CAMK2B: variants seen among roughly 807,000 people sequenced by gnomAD.
CAMK2B encodes calcium/calmodulin dependent protein kinase II beta.
CAMK2B carries 27 observed loss-of-function variants against 93.7 expected under a neutral mutation model. That is an observed-to-expected ratio of 0.29 (90% CI 0.21 to 0.40). The LOEUF is 0.40. Among genes scored for constraint, CAMK2B ranks in the 10% least tolerant of loss-of-function variants. CAMK2B has a pLI of 1.00. For missense variants in CAMK2B, 568 were observed against 895.8 expected (o/e 0.63, Z 4.67); for synonymous variants, 374 against 358.8 (o/e 1.04, Z -0.48).
At position 44,283,339 on chromosome 7, in the gene CAMK2B, C is replaced by T. The variant is rs189591821; in HGVS notation, c.160+792G>A. Among the ~76,000 whole-genome samples, 806 of 152,070 alleles carry T rather than the reference C, an allele frequency of 5.3e-3. 24 individuals carry two copies. The highest frequency in any genetic ancestry group is 0.047 in the Admixed American group (715 of 15,286). ...AGACCCCACAAGGGCAGGGAGACCCCGTGAGGGCAGGGAGACCCCGTGAGG... is the reference window on the plus strand; with the variant it reads ...AGACCCCACAAGGGCAGGGAGACCCTGTGAGGGCAGGGAGACCCCGTGAGG... On this transcript the variant is annotated intron_variant, in intron 2 of 23. Transcript: ENST00000395749.
intron 1 of CAMK2B, among the ~76,000 whole-genome samples, chr7:44,288,972 G>A (rs977440117): frequency 6.6e-6 from 1 of 152,160 alleles, no homozygotes; most frequent in Non-Finnish European, 1.5e-5. Context: ...GGGCTTCACA[G>A]GCAGAGGCAG....
intron 16 of CAMK2B, among the ~76,000 whole-genome samples, chr7:44,231,380 C>T (rs1002023577): frequency 1.3e-5 from 2 of 152,228 alleles, no homozygotes; most frequent in Non-Finnish European, 2.9e-5. Flanking sequence ...GAGGCCGGCC[C>T]TGCCACCCTA....
chr7:44,287,987 C>T (rs1785600858), intron 1 of CAMK2B, among the ~76,000 whole-genome samples: 1 of 152,250 alleles, frequency 6.6e-6, no homozygotes, highest in Admixed American at 6.5e-5. Context: ...GGAGCCAGAA[C>T]TGACCTACAA....
intron 1 of CAMK2B, among the ~76,000 whole-genome samples, chr7:44,293,749 A>C (rs1584705535): frequency 6.6e-6 from 1 of 152,188 alleles, no homozygotes; most frequent in East Asian, 1.9e-4. Flanking sequence ...GGCGGAGCTC[A>C]GGCTGTAATG....
chr7:44,283,747 C>A (rs1435755566), intron 2 of CAMK2B, among the ~76,000 whole-genome samples: 1 of 152,258 alleles, frequency 6.6e-6, no homozygotes, highest in Non-Finnish European at 1.5e-5. Context: ...ACCACCATGG[C>A]GGCCTGGCCA....
rs118001696 is a variant in CAMK2B, at chr7:44,256,891, A to G, written c.275+1981T>C. 1.6e-3 allele frequency among the ~76,000 whole-genome samples: 243 copies of G among 152,286 alleles called. 8 individuals are homozygous for G. The East Asian group carries it at 0.041, about 25-fold the overall frequency. Reference sequence around the variant, plus strand: ...GGGAAGGGAGTTTGCTCCTCCACCCACGTTGGTTGCTGTGGGGAGTTTGGG... The same window carrying G: ...GGGAAGGGAGTTTGCTCCTCCACCCGCGTTGGTTGCTGTGGGGAGTTTGGG... On this transcript the variant is annotated intron_variant, in intron 4 of 23. Coordinates refer to ENST00000395749, the MANE Select transcript of CAMK2B (RefSeq NM_001220.5).
rs1351402617 is a variant in CAMK2B at position 44,242,203 on chromosome 7, C to A, written c.819+15G>T. 6.2e-7 allele frequency: 1 copy of A among 1,608,662 alleles called. No individual in the cohort carries two copies. Among genetic ancestry groups the A allele is most frequent in the Non-Finnish European group, 8.5e-7 (1 of 1,176,674 alleles). On this transcript the variant is annotated intron_variant, in intron 10 of 23. Transcript: ENST00000395749. ...AGGAGCCCCCTCCCCACCATGGGCA[C>A]CAAGGGCGACTCACGCAGACCCACG...
At chr7:44,244,244 G>A (rs916230986) in intron 6 of CAMK2B, among the ~76,000 whole-genome samples, 2 of 152,198 alleles carry the variant, frequency 1.3e-5, no homozygotes, top group African/African-American at 4.8e-5. Flanking sequence ...CTGACACAGA[G>A]AGCAGTGCCC....
chr7:44,220,341 C>G, intron 22 of CAMK2B, 47 bp from the exon 23 acceptor site: 1 of 1,425,126 alleles, frequency 7.0e-7, no homozygotes, highest in Non-Finnish European at 9.8e-7. Context: ...CATGACTGCC[C>G]TGGTGCCCGT....
At chr7:44,305,846 T>G (rs1291165658) in intron 1 of CAMK2B, among the ~76,000 whole-genome samples, 2 of 152,190 alleles carry the variant, frequency 1.3e-5, no homozygotes, top group Non-Finnish European at 2.9e-5. Context: ...ACTTTCACAT[T>G]TTCTGGATTC....
chr7:44,234,360 C>T, intron 15 of CAMK2B, 30 bp downstream of exon 15: 3 of 1,485,414 alleles, frequency 2.0e-6, no homozygotes, highest in East Asian at 2.4e-5. Flanking sequence ...GTAGGAGGGG[C>T]TGAGAGGCAG....
At chr7:44,261,045 C>T (rs2096875144) in intron 3 of CAMK2B, among the ~76,000 whole-genome samples, 1 of 152,204 alleles carries the variant, frequency 6.6e-6, no homozygotes, top group African/African-American at 2.4e-5. Context: ...TGGCTTCTGT[C>T]CCAAGAGCAA....
chr7:44,241,370 A>G (rs1447232777), intron 11 of CAMK2B, among the ~76,000 whole-genome samples: 2 of 152,204 alleles, frequency 1.3e-5, no homozygotes, highest in African/African-American at 4.8e-5. Flanking sequence ...ACTTGCTTGT[A>G]CTAAACAGTG....
intron 20 of CAMK2B, among the ~76,000 whole-genome samples, chr7:44,222,782 C>T (rs1350100567): frequency 1.3e-5 from 2 of 152,162 alleles, no homozygotes; most frequent in African/African-American, 2.4e-5. Flanking sequence ...GGTGGGGTTG[C>T]CTTTATCTCT....
chr7:44,232,855 G>A lies in CAMK2B; in HGVS notation c.1143C>T (p.Thr381=), dbSNP rs1414034226. 6.2e-7 allele frequency: 1 copy of A among 1,613,902 alleles called. No homozygotes were observed. Among genetic ancestry groups the A allele is most frequent in the Admixed American group, 1.7e-5 (1 of 59,994 alleles). The change falls in exon 16 of 24, where the codon ACC becomes ACT. Residue 381 remains threonine (T), a synonymous_variant. Transcript: ENST00000395749. ...TLPPAALEPQ[T]TVIHNPVDGI... is the part of the protein sequence containing the mutation. ...CGTCCACTGGGTTATGGATGACGGT[G>A]GTTTGAGGCTCCTACAGAAGAAGGA...
chr7:44,286,161 C>T lies in CAMK2B; in HGVS notation c.66-1936G>A, dbSNP rs967626793. 6.6e-6 allele frequency among the ~76,000 whole-genome samples: 1 copy of T among 151,984 alleles called. No individual in the cohort carries two copies. Among genetic ancestry groups the T allele is most frequent in the African/African-American group, 2.4e-5 (1 of 41,372 alleles). On this transcript the variant is annotated intron_variant, in intron 1 of 23. Coordinates refer to ENST00000395749, the MANE Select transcript of CAMK2B (RefSeq NM_001220.5). The surrounding 1 kb of genome is among the most constrained non-coding windows in gnomAD (Gnocchi z 4.0). ...CATATGACTGAGCAGAAGAGCCTTC[C>T]GGGGCCACTGTGTGGCTGTTTGCCG... is the stretch of plus-strand genomic sequence containing the variant.
intron 1 of CAMK2B, among the ~76,000 whole-genome samples, chr7:44,319,816 TA>T (rs1190470846): frequency 6.6e-6 from 1 of 152,232 alleles, no homozygotes; most frequent in Non-Finnish European, 1.5e-5. Context: ...GGAAGGCACT[TA>T]GCTGAAGAAA....
At chr7:44,284,290 C>T (rs946478972) in intron 1 of CAMK2B, 65 bp from the exon 2 acceptor site, 52 of 1,153,048 alleles carry the variant, frequency 4.5e-5, no homozygotes, top group Admixed American at 5.8e-5. Flanking sequence ...GAGAGAGAGC[C>T]GATTAATCTC....
chr7:44,224,102 G>A lies in CAMK2B; in HGVS notation c.1597+2414C>T, dbSNP rs1290558385. ...AGTTGATGGGAAGAGAAAGCGTGAA[G>A]TAAACAGAAGAGGAGATGCATGGTC... On this transcript the variant is annotated intron_variant, in intron 20 of 23. Transcript: ENST00000395749. The surrounding 1 kb of genome is among the most constrained non-coding windows in gnomAD (Gnocchi z 4.4). Among the ~76,000 whole-genome samples the A allele has an allele frequency of 6.6e-6, 1 of 152,246 alleles. No individual in the cohort carries two copies. Among genetic ancestry groups the A allele is most frequent in the Non-Finnish European group, 1.5e-5 (1 of 68,050 alleles).
Sources: allele counts gnomAD v4.1 joint callset (sites outside exome capture counted in the v4.1 genomes callset), GRCh38; gene constraint gnomAD v4.1.1; non-coding constraint Gnocchi (gnomAD v3.1); transcripts MANE v1.5; gene names NCBI Gene and HGNC (gene_info 2026-07-23, HGNC 2026-07-21).